KCNJ16: variants seen among roughly 807,000 people sequenced by gnomAD.
KCNJ16 encodes the protein inward rectifier potassium channel 16.
In KCNJ16, 15 loss-of-function variants were observed where a neutral mutation model predicts 18.5. The observed-to-expected ratio is 0.81, with a 90% confidence interval of 0.54 to 1.25. KCNJ16 has a LOEUF of 1.25. KCNJ16 is among the 50% of genes most tolerant of loss of function. The pLI is 0.00. For synonymous variants in KCNJ16, 174 were observed against 186.5 expected (o/e 0.93, Z 0.55); for missense variants, 523 against 525.7 (o/e 0.99, Z 0.05).
At chr17:70,103,655 T>C (rs1285400120) in intron 2 of KCNJ16, among the ~76,000 whole-genome samples, 1 of 152,066 alleles carries the variant, frequency 6.6e-6, no homozygotes. Context: ...GACTCTTGTA[T>C]TGTTTCATCC....
At chr17:70,090,423 T>G (rs1226190261) in intron 1 of KCNJ16, among the ~76,000 whole-genome samples, 1 of 152,206 alleles carries the variant, frequency 6.6e-6, no homozygotes, top group African/African-American at 2.4e-5. Context: ...ACTTGGACTT[T>G]ATTTTCCCAG....
rs1378626225 is a variant in KCNJ16, at chr17:70,134,394, C to T, written c.*1050C>T. 1.2e-5 allele frequency: 2 copies of T among 166,928 alleles called. No individual in the cohort carries two copies. Among genetic ancestry groups the T allele is most frequent in the African/African-American group, 4.8e-5 (2 of 41,406 alleles). The allele number at this position is 166,928 out of a possible 1,614,324, so 10.3% of individuals were successfully genotyped here. A position where few individuals can be genotyped will look rare whatever the true frequency, so the allele number is the denominator to read the frequency against. On this transcript the variant is annotated 3_prime_UTR_variant, in exon 4 of 4. Transcript: ENST00000392671. The stretch of plus-strand genomic sequence containing the variant: ...GTTACTGTACAAGATACAAATGACT[C>T]GAGTTGTGGATTGCAAGAAACTCTT...
At chr17:70,131,234 G>A (rs1021763791) in intron 3 of KCNJ16, 2 of 727,310 alleles carry the variant, frequency 2.7e-6, no homozygotes, top group Admixed American at 3.6e-5. Context: ...AAAAAAAAAA[G>A]GATGAATGTT....
chr17:70,122,311 T>C (rs1485562515), intron 2 of KCNJ16, among the ~76,000 whole-genome samples: 2 of 151,736 alleles, frequency 1.3e-5, no homozygotes, highest in African/African-American at 4.9e-5. Flanking sequence ...TAGCTGGGAT[T>C]ACAGGCACCC....
rs376602170 is a variant in KCNJ16, at chr17:70,133,278, T to G, written c.1191T>G (p.Tyr397Ter). 6.2e-7 allele frequency: 1 copy of G among 1,614,114 alleles called. No individual in the cohort carries two copies. The highest frequency in any genetic ancestry group is 1.7e-5 in the Admixed American group (1 of 60,024). The change falls in exon 4 of 4, where the codon TAT becomes TAG. Residue 397 changes from tyrosine (Y) to a stop codon, truncating the protein, a stop_gained. Transcript: ENST00000392671. LOFTEE classifies it high-confidence loss of function. The stretch of plus-strand genomic sequence containing the variant: ...CCACCACTTCCGCCACACATGAATA[T>G]AGGGAAACACCTTATCAGAAAGCTC... ...EETTTSATHE[Y>*]RETPYQKALL...
At position 70,133,348 on chromosome 17, in the gene KCNJ16, T is replaced by C. The variant is rs750296081; in HGVS notation, c.*4T>C. 34 of 1,601,440 alleles carry C rather than the reference T, an allele frequency of 2.1e-5. No homozygotes were observed. Among genetic ancestry groups the C allele is most frequent in the Non-Finnish European group, 2.8e-5 (33 of 1,171,804 alleles). ...CTCTGTAGAATCCCAAATGTAGTCCTAAATTGCAATTATGAGGGCTACCAC... is the reference window on the plus strand; with the variant it reads ...CTCTGTAGAATCCCAAATGTAGTCCCAAATTGCAATTATGAGGGCTACCAC... On this transcript the variant is annotated 3_prime_UTR_variant, in exon 4 of 4. Coordinates refer to ENST00000392671, the MANE Select transcript of KCNJ16 (RefSeq NM_170741.4).
intron 2 of KCNJ16, among the ~76,000 whole-genome samples, chr17:70,118,231 G>A (rs531731252): frequency 3.9e-4 from 59 of 152,140 alleles, no homozygotes; most frequent in Admixed American, 6.5e-4. Flanking sequence ...GACACAGAGA[G>A]GGGAACATCA....
rs185699564 is a variant in KCNJ16 at position 70,104,226 on chromosome 17, A to G, written c.-191+3460A>G. Among the ~76,000 whole-genome samples the G allele has an allele frequency of 4.6e-3, 695 of 152,244 alleles. 4 individuals carry two copies. Among genetic ancestry groups the G allele is most frequent in the Non-Finnish European group, 7.1e-3 (486 of 68,010 alleles). ...AACCATCCTCCTGCCTCAGCCCCTC[A>G]AAGTGCTGGAATTACAGGAATGAGC... On this transcript the variant is annotated intron_variant, in intron 2 of 3. Transcript: ENST00000392671.
At position 70,131,977 on chromosome 17, in the gene KCNJ16, GT is replaced by G; in HGVS notation, c.-93-16del. The G allele has an allele frequency of 1.3e-6, 2 of 1,538,288 alleles. No homozygotes were observed. Among genetic ancestry groups the G allele is most frequent in the Non-Finnish European group, 1.7e-6 (2 of 1,146,058 alleles). On this transcript the variant is annotated splice_polypyrimidine_tract_variant and intron_variant, in intron 3 of 3. Coordinates refer to ENST00000392671, the MANE Select transcript of KCNJ16 (RefSeq NM_170741.4). ...ATTGAAAGCTAAAAAGTGTGTTTTT[GT>G]TGTTGTTGTTTTTTAGGTTCTAACT...
At chr17:70,090,585 T>C (rs1433516240) in intron 1 of KCNJ16, among the ~76,000 whole-genome samples, 1 of 152,196 alleles carries the variant, frequency 6.6e-6, no homozygotes. Context: ...TCAGGCTCTA[T>C]AGTTTCTCTT....
At chr17:70,120,373 C>T (rs1047972948) in intron 2 of KCNJ16, among the ~76,000 whole-genome samples, 30 of 152,314 alleles carry the variant, frequency 2.0e-4, no homozygotes, top group East Asian at 7.7e-4. Flanking sequence ...AAGCCACTTT[C>T]GCATTTTCAC....
intron 2 of KCNJ16, among the ~76,000 whole-genome samples, chr17:70,111,148 T>A (rs2073168788): frequency 6.6e-6 from 1 of 152,228 alleles, no homozygotes; most frequent in Non-Finnish European, 1.5e-5. Flanking sequence ...TCTGAGGGTA[T>A]GAGTGTGACA....
chr17:70,125,052 G>T (rs1377220873), intron 2 of KCNJ16, among the ~76,000 whole-genome samples: 2 of 151,990 alleles, frequency 1.3e-5, no homozygotes, highest in Non-Finnish European at 2.9e-5. Context: ...GATTGCTTGA[G>T]GTCAGGAGTT....
intron 3 of KCNJ16, 147 bp downstream of exon 3, chr17:70,131,122 G>A: frequency 1.0e-6 from 1 of 958,754 alleles, no homozygotes; most frequent in Non-Finnish European, 1.5e-6. Flanking sequence ...CCCTTTAAGA[G>A]GGAAACGAGA....
intron 1 of KCNJ16, among the ~76,000 whole-genome samples, chr17:70,076,749 C>A (rs2143489152): frequency 6.6e-6 from 1 of 152,068 alleles, no homozygotes; most frequent in South Asian, 2.1e-4. Flanking sequence ...AAGCTAAGAC[C>A]TGGATATAAA....
intron 1 of KCNJ16, among the ~76,000 whole-genome samples, chr17:70,089,888 G>GT (rs2072006387): frequency 6.6e-6 from 1 of 152,198 alleles, no homozygotes; most frequent in African/African-American, 2.4e-5. Context: ...TGTAACCGTG[G>GT]TAATAACTGC....
At chr17:70,083,594 C>A (rs887504443) in intron 1 of KCNJ16, among the ~76,000 whole-genome samples, 1 of 152,068 alleles carries the variant, frequency 6.6e-6, no homozygotes, top group Non-Finnish European at 1.5e-5. Flanking sequence ...GAGTAATAGG[C>A]TATACCATAC....
chr17:70,134,589 ATTACT>A lies in KCNJ16; in HGVS notation c.*1249_*1253del, dbSNP rs1437139575. The A allele has an allele frequency of 6.0e-6, 1 of 167,062 alleles. No individual in the cohort carries two copies. Among genetic ancestry groups the A allele is most frequent in the Non-Finnish European group, 1.5e-5 (1 of 68,104 alleles). The allele number at this position is 167,062 out of a possible 1,614,324, so 10.3% of individuals were successfully genotyped here. A position where few individuals can be genotyped will look rare whatever the true frequency, so the allele number is the denominator to read the frequency against. Reference sequence around the variant, plus strand: ...CTTTCATGTTAAAATGTTAATCATGATTACTTTAAGCCCACATCCACTGAGTAAAG... The same window carrying A: ...CTTTCATGTTAAAATGTTAATCATGATTAAGCCCACATCCACTGAGTAAAG... On this transcript the variant is annotated 3_prime_UTR_variant, in exon 4 of 4. Transcript: ENST00000392671.
chr17:70,081,847 T>C lies in KCNJ16; in HGVS notation c.-300+6457T>C, dbSNP rs78854852. Among the ~76,000 whole-genome samples the C allele has an allele frequency of 1.1e-3, 172 of 152,190 alleles. 1 individual carries two copies. The East Asian group carries it at 0.03, about 26-fold the overall frequency. On this transcript the variant is annotated intron_variant, in intron 1 of 3. Coordinates refer to ENST00000392671, the MANE Select transcript of KCNJ16 (RefSeq NM_170741.4). ...GTGTGTGTGTGTGTAAATAAGTGTC[T>C]GTATTAATTATTCACAAAGTAATAC...
Sources: gnomAD v4.1 joint callset for allele counts (sites outside exome capture counted in the v4.1 genomes callset) on GRCh38, gnomAD v4.1.1 for gene constraint, MANE v1.5 for transcripts, NCBI Gene and HGNC (gene_info 2026-07-23, HGNC 2026-07-21) for gene names.